ABI3BP: variants seen among roughly 807,000 people sequenced by gnomAD.
ABI3BP encodes the protein target of Nesh-SH3.
In ABI3BP, 216 loss-of-function variants were observed where a neutral mutation model predicts 268.6. The ratio of observed to expected loss-of-function variants is 0.80; its 90% CI spans 0.72 to 0.90. The LOEUF (loss-of-function observed/expected upper bound fraction) is 0.90. ABI3BP is among the 40% of genes least tolerant of loss of function. The probability of loss-of-function intolerance (pLI) is 0.00; values close to 1 mark genes in which losing one functional copy is unlikely to be tolerated. For missense variants in ABI3BP, 2,090 were observed against 2,182.4 expected (o/e 0.96, Z 0.84); for synonymous variants, 730 against 730.0 (o/e 1.00, Z 0.00).
chr3:100,796,353 ATT>A (rs201011497), intron 52 of ABI3BP, 54 bp downstream of exon 52: 200 of 1,198,636 alleles, frequency 1.7e-4, no homozygotes, highest in South Asian at 4.8e-4. Flanking sequence ...TACTTCAAGA[ATT>A]TTTTTTTTTG....
intron 4 of ABI3BP, among the ~76,000 whole-genome samples, chr3:100,894,714 C>T (rs1383927029): frequency 9.2e-5 from 14 of 151,776 alleles, no homozygotes; most frequent in Non-Finnish European, 1.8e-4. Flanking sequence ...CCAAGGAGGG[C>T]AGATCACGAG....
chr3:100,772,945 C>T (rs149328097), intron 61 of ABI3BP, among the ~76,000 whole-genome samples: 5 of 151,622 alleles, frequency 3.3e-5, no homozygotes, highest in Admixed American at 6.6e-5. Context: ...GGGATGGTGA[C>T]GGGCACCTGT....
intron 1 of ABI3BP, among the ~76,000 whole-genome samples, chr3:100,937,855 A>G (rs558418407): frequency 6.6e-6 from 1 of 152,176 alleles, no homozygotes; most frequent in African/African-American, 2.4e-5. Context: ...TCACGTCTCA[A>G]GTTTATGTAT....
At chr3:100,978,150 C>T (rs988215715) in intron 1 of ABI3BP, among the ~76,000 whole-genome samples, 1 of 152,194 alleles carries the variant, frequency 6.6e-6, no homozygotes, top group Non-Finnish European at 1.5e-5. Flanking sequence ...AGAAAAGAAG[C>T]TCTAACCTGC....
At chr3:100,874,103 G>A (rs2099136705) in intron 9 of ABI3BP, among the ~76,000 whole-genome samples, 1 of 152,042 alleles carries the variant, frequency 6.6e-6, no homozygotes. Flanking sequence ...GACCAGCAGT[G>A]TCACTATCAC....
intron 25 of ABI3BP, 24 bp downstream of exon 25, chr3:100,838,378 C>G: frequency 1.3e-6 from 2 of 1,533,466 alleles, no homozygotes; most frequent in Non-Finnish European, 1.7e-6. Flanking sequence ...ATTTATAGAT[C>G]AAGGCATTGA....
At position 100,815,175 on chromosome 3, in the gene ABI3BP, T is replaced by G. The variant is rs1407656956; in HGVS notation, c.3289+737A>C. Among the ~76,000 whole-genome samples, 5 of 152,138 alleles carry G rather than the reference T, an allele frequency of 3.3e-5. No homozygotes were observed. In the East Asian group the frequency reaches 9.6e-4, roughly 29 times the overall value. Reference sequence around the variant, plus strand: ...GATGATCTTAGGTTGCTATAGTGTTTGTAGGTCTAGAAATCATTGAAAGCA... The same window carrying G: ...GATGATCTTAGGTTGCTATAGTGTTGGTAGGTCTAGAAATCATTGAAAGCA... On this transcript the variant is annotated intron_variant, in intron 44 of 67. Coordinates refer to ENST00000471714, the MANE Select transcript of ABI3BP (RefSeq NM_001375547.2).
intron 3 of ABI3BP, among the ~76,000 whole-genome samples, chr3:100,902,358 A>C (rs1274151724): frequency 6.6e-6 from 1 of 152,204 alleles, no homozygotes; most frequent in East Asian, 1.9e-4. Flanking sequence ...ATTATGCAGC[A>C]GAATCCAGGA....
chr3:100,882,481 G>A (rs1214836629), intron 6 of ABI3BP, among the ~76,000 whole-genome samples: 2 of 150,348 alleles, frequency 1.3e-5, no homozygotes, highest in Non-Finnish European at 3.0e-5. Context: ...TGTCCAGAAG[G>A]AAACAATAAA....
intron 1 of ABI3BP, chr3:100,952,541 A>G (rs1477750001): frequency 6.6e-6 from 1 of 152,202 alleles, no homozygotes; most frequent in Non-Finnish European, 1.5e-5. Flanking sequence ...GGAATATGCT[A>G]TTTGATCTAT....
intron 14 of ABI3BP, among the ~76,000 whole-genome samples, chr3:100,861,828 G>A (rs977611298): frequency 6.6e-6 from 1 of 152,154 alleles, no homozygotes; most frequent in Non-Finnish European, 1.5e-5. Context: ...CAACCGCAAG[G>A]ACCTGTGGTC....
At position 100,813,636 on chromosome 3, in the gene ABI3BP, C is replaced by T. The variant is rs1409679583; in HGVS notation, c.3364+25G>A. 4.6e-6 allele frequency: 7 copies of T among 1,514,594 alleles called. No individual in the cohort carries two copies. In the Admixed American group the frequency reaches 1.4e-4, roughly 30 times the overall value. The allele number at this position is 1,514,594 out of a possible 1,614,324, so 93.8% of individuals were successfully genotyped here. Reference sequence around the variant, plus strand: ...TGCCTCTTAAAGCACACAGTATACCCAGACAGATAAAACAATCTATTTACC... The same window carrying T: ...TGCCTCTTAAAGCACACAGTATACCTAGACAGATAAAACAATCTATTTACC... On this transcript the variant is annotated intron_variant, in intron 45 of 67. Coordinates refer to ENST00000471714, the MANE Select transcript of ABI3BP (RefSeq NM_001375547.2).
At chr3:100,868,946 C>G (rs1420741306) in intron 9 of ABI3BP, among the ~76,000 whole-genome samples, 3 of 152,016 alleles carry the variant, frequency 2.0e-5, no homozygotes, top group African/African-American at 7.2e-5. Context: ...CACTCTGTTC[C>G]TATTATTTTC....
At chr3:100,905,026 G>T (rs2052595333) in intron 2 of ABI3BP, among the ~76,000 whole-genome samples, 1 of 152,168 alleles carries the variant, frequency 6.6e-6, no homozygotes, top group African/African-American at 2.4e-5. Context: ...GTCCAACAAT[G>T]ATAGACTGGA....
At chr3:100,850,243 T>C in intron 16 of ABI3BP, 124 bp from the exon 17 acceptor site, 1 of 810,886 alleles carries the variant, frequency 1.2e-6, no homozygotes, top group Non-Finnish European at 2.0e-6. Context: ...AGATGAAAAA[T>C]GCATGTAGTC....
intron 21 of ABI3BP, 113 bp from the exon 22 acceptor site, chr3:100,840,971 A>G (rs937082192): frequency 3.4e-5 from 28 of 816,202 alleles, no homozygotes; most frequent in Non-Finnish European, 4.5e-5. Flanking sequence ...GCAAATATAA[A>G]TGGTGAAGCT....
At chr3:100,821,033 A>G in intron 39 of ABI3BP, 21 bp downstream of exon 39, 1 of 1,530,138 alleles carries the variant, frequency 6.5e-7, no homozygotes, top group Non-Finnish European at 8.8e-7. Flanking sequence ...ACACTTAATG[A>G]GGATTGCAAC....
At position 100,821,130 on chromosome 3, in the gene ABI3BP, A is replaced by G. The variant is rs2098207751; in HGVS notation, c.2888-17T>C. On this transcript the variant is annotated splice_polypyrimidine_tract_variant and intron_variant, in intron 38 of 67. Transcript: ENST00000471714. ...CAGTAGGAACTGATCAAAAGCATTA[A>G]AATTAACCAAATGATTATTTTAAAT... 6.5e-7 allele frequency: 1 copy of G among 1,531,084 alleles called. No individual in the cohort carries two copies. Among genetic ancestry groups the G allele is most frequent in the Non-Finnish European group, 8.8e-7 (1 of 1,142,488 alleles). 94.8% of individuals were successfully genotyped at this position (1,531,084 alleles called of 1,614,324 possible). A position where few individuals can be genotyped will look rare whatever the true frequency, so the allele number is the denominator to read the frequency against.
chr3:100,969,879 T>C (rs931737215), intron 1 of ABI3BP, among the ~76,000 whole-genome samples: 2 of 152,182 alleles, frequency 1.3e-5, no homozygotes, highest in African/African-American at 4.8e-5. Flanking sequence ...ATATACTTTT[T>C]TCCTGCTCAT....
Sources: gnomAD v4.1 joint callset for allele counts (sites outside exome capture counted in the v4.1 genomes callset) on GRCh38, gnomAD v4.1.1 for gene constraint, MANE v1.5 for transcripts, NCBI Gene and HGNC (gene_info 2026-07-23, HGNC 2026-07-21) for gene names.